Variants in L3MBTL4 observed in about 807,000 individuals in gnomAD.
L3MBTL4 encodes L3MBTL histone methyl-lysine binding protein 4.
In L3MBTL4, 70 loss-of-function variants were observed where a neutral mutation model predicts 84.5. The ratio of observed to expected loss-of-function variants is 0.83; its 90% CI spans 0.68 to 1.01. L3MBTL4 has a LOEUF of 1.01. L3MBTL4 is among the 50% of genes least tolerant of loss of function. The probability of loss-of-function intolerance (pLI) is 0.00; values close to 1 mark genes in which losing one functional copy is unlikely to be tolerated. For synonymous variants in L3MBTL4, 274 were observed against 259.8 expected (o/e 1.05, Z -0.52); for missense variants, 715 against 754.8 (o/e 0.95, Z 0.62).
chr18:6,085,468 T>C (rs937881612), intron 15 of L3MBTL4, among the ~76,000 whole-genome samples: 1 of 152,198 alleles, frequency 6.6e-6, no homozygotes, highest in Non-Finnish European at 1.5e-5. Flanking sequence ...CCAAATCTCA[T>C]TTTGAATTGT....
chr18:6,084,512 T>C (rs920323937), intron 15 of L3MBTL4, among the ~76,000 whole-genome samples: 4 of 152,222 alleles, frequency 2.6e-5, no homozygotes, highest in African/African-American at 9.6e-5. Flanking sequence ...TAACTGTGTT[T>C]AGTTATAACT....
intron 4 of L3MBTL4, among the ~76,000 whole-genome samples, chr18:6,265,858 G>A (rs1406740444): frequency 6.6e-6 from 1 of 152,168 alleles, no homozygotes; most frequent in Non-Finnish European, 1.5e-5. Context: ...AGGATACAAC[G>A]TTCCAGTTAG....
At chr18:6,042,491 A>C (rs2056449001) in intron 16 of L3MBTL4, among the ~76,000 whole-genome samples, 1 of 151,960 alleles carries the variant, frequency 6.6e-6, no homozygotes, top group African/African-American at 2.4e-5. Flanking sequence ...CAATCACTCA[A>C]TCTGACCCAT....
intron 1 of L3MBTL4, among the ~76,000 whole-genome samples, chr18:6,407,620 T>A (rs1006120247): frequency 1.3e-5 from 2 of 152,184 alleles, no homozygotes; most frequent in African/African-American, 2.4e-5. Flanking sequence ...GTGCTTAAAT[T>A]TTCAATAGAA....
At chr18:5,993,063 C>A (rs2053775530) in intron 16 of L3MBTL4, among the ~76,000 whole-genome samples, 1 of 152,160 alleles carries the variant, frequency 6.6e-6, no homozygotes, top group African/African-American at 2.4e-5. Flanking sequence ...GCATCTTATG[C>A]AGCCAGCTAT....
intron 14 of L3MBTL4, among the ~76,000 whole-genome samples, chr18:6,097,266 A>G (rs2058670489): frequency 6.6e-6 from 1 of 152,266 alleles, no homozygotes; most frequent in Non-Finnish European, 1.5e-5. Flanking sequence ...GACAGATACA[A>G]GTAGTCCTCT....
chr18:6,076,639 T>C (rs1051223585), intron 16 of L3MBTL4, among the ~76,000 whole-genome samples: 4 of 151,740 alleles, frequency 2.6e-5, no homozygotes, highest in Non-Finnish European at 5.9e-5. Context: ...GAAAAGCTGA[T>C]TGTAGATCAC....
At position 6,246,066 on chromosome 18, in the gene L3MBTL4, C is replaced by T. The variant is rs143161246; in HGVS notation, c.220-1478G>A. ...CTTGAATTGATTGGCAAAGTCAGCT[C>T]TGTCATATATGGTTTCTACATACTT... On this transcript the variant is annotated intron_variant, in intron 5 of 18. Transcript: ENST00000317931. 1.5e-3 allele frequency among the ~76,000 whole-genome samples: 221 copies of T among 152,320 alleles called. 1 individual carries two copies. The highest frequency in any genetic ancestry group is 5.2e-3 in the African/African-American group (216 of 41,586).
chr18:6,044,943 T>C (rs758275860), intron 16 of L3MBTL4, among the ~76,000 whole-genome samples: 8 of 152,216 alleles, frequency 5.3e-5, no homozygotes, highest in Non-Finnish European at 1.0e-4. Flanking sequence ...TTACTAAGTG[T>C]CTTAATAAGC....
chr18:6,266,104 A>T (rs413443), intron 4 of L3MBTL4, among the ~76,000 whole-genome samples: 18,763 of 152,212 alleles, frequency 0.12, 3,780 homozygotes, highest in African/African-American at 0.42. Flanking sequence ...AAAAATAAAA[A>T]AACATACATA....
chr18:6,073,785 C>A (rs908762760), intron 16 of L3MBTL4, among the ~76,000 whole-genome samples: 2 of 152,084 alleles, frequency 1.3e-5, no homozygotes, highest in African/African-American at 4.8e-5. Context: ...ACTCTTTTAA[C>A]TAGTAAAAGT....
intron 13 of L3MBTL4, among the ~76,000 whole-genome samples, chr18:6,158,277 T>C (rs1194879419): frequency 6.6e-6 from 1 of 152,182 alleles, no homozygotes; most frequent in Admixed American, 6.5e-5. Flanking sequence ...GATAAGGAAG[T>C]GGTCAAATGA....
At chr18:6,167,720 C>T (rs1451902260) in intron 13 of L3MBTL4, among the ~76,000 whole-genome samples, 2 of 152,290 alleles carry the variant, frequency 1.3e-5, no homozygotes, top group East Asian at 3.9e-4. Context: ...CAGCCAATAT[C>T]ATACTGAATG....
At chr18:6,158,185 C>A (rs866825476) in intron 13 of L3MBTL4, among the ~76,000 whole-genome samples, 1 of 152,192 alleles carries the variant, frequency 6.6e-6, no homozygotes. Context: ...GAGATACCAC[C>A]GTCCTTCCAT....
At chr18:6,217,088 C>T (rs1208163091) in intron 10 of L3MBTL4, among the ~76,000 whole-genome samples, 1 of 152,012 alleles carries the variant, frequency 6.6e-6, no homozygotes, top group Non-Finnish European at 1.5e-5. Context: ...TTTTACAATT[C>T]CCCCATATTT....
intron 12 of L3MBTL4, among the ~76,000 whole-genome samples, chr18:6,207,122 A>T (rs2045908863): frequency 6.6e-6 from 1 of 152,212 alleles, no homozygotes; most frequent in East Asian, 1.9e-4. Flanking sequence ...GTTTCATGAC[A>T]TGTGAAAAGT....
intron 16 of L3MBTL4, among the ~76,000 whole-genome samples, chr18:6,078,448 A>C (rs1322589831): frequency 6.6e-6 from 1 of 151,586 alleles, no homozygotes; most frequent in Non-Finnish European, 1.5e-5. Context: ...ACAAAAAAAA[A>C]AAAAAAAGGG....
At chr18:6,250,109 G>A (rs1327014238) in intron 5 of L3MBTL4, among the ~76,000 whole-genome samples, 2 of 152,136 alleles carry the variant, frequency 1.3e-5, no homozygotes, top group Non-Finnish European at 2.9e-5. Context: ...GTTTTGCTTT[G>A]TCATTTTCTT....
At chr18:6,150,424 TACAC>T (rs111558666) in intron 13 of L3MBTL4, among the ~76,000 whole-genome samples, 10 of 149,376 alleles carry the variant, frequency 6.7e-5, no homozygotes, top group Admixed American at 2.7e-4. Context: ...TGTTTGAGAA[TACAC>T]ACACACACAC....
Sources: gnomAD v4.1 joint callset for allele counts (sites outside exome capture counted in the v4.1 genomes callset) on GRCh38, gnomAD v4.1.1 for gene constraint, MANE v1.5 for transcripts, NCBI Gene and HGNC (gene_info 2026-07-23, HGNC 2026-07-21) for gene names.